PRKCA: variants seen among roughly 807,000 people sequenced by gnomAD.
PRKCA encodes the protein protein kinase C alpha type.
Under a neutral mutation model 87.0 loss-of-function variants are expected in PRKCA, and 27 were observed. That is an observed-to-expected ratio of 0.31 (90% CI 0.23 to 0.43). PRKCA has a LOEUF of 0.43. PRKCA is among the 20% of genes least tolerant of loss of function. PRKCA has a pLI of 1.00. For synonymous variants in PRKCA, 329 were observed against 311.1 expected, an observed-to-expected ratio of 1.06 and a Z score of -0.61; for missense variants, 518 against 852.3, an observed-to-expected ratio of 0.61 and a Z score of 4.88.
At chr17:66,754,476 G>A (rs1184785963) in intron 13 of PRKCA, among the ~76,000 whole-genome samples, 1 of 152,062 alleles carries the variant, frequency 6.6e-6, no homozygotes, top group African/African-American at 2.4e-5. Context: ...GCTGTGCCTC[G>A]ACTTCTCCAG....
At chr17:66,509,503 T>C (rs1209879224) in intron 3 of PRKCA, among the ~76,000 whole-genome samples, 1 of 152,150 alleles carries the variant, frequency 6.6e-6, no homozygotes, top group Non-Finnish European at 1.5e-5. Context: ...AAGAATCCTC[T>C]CTTACTTGGA....
At chr17:66,685,036 G>A (rs1972588751) in intron 5 of PRKCA, among the ~76,000 whole-genome samples, 1 of 152,118 alleles carries the variant, frequency 6.6e-6, no homozygotes, top group Non-Finnish European at 1.5e-5. Flanking sequence ...CCTTTCACAT[G>A]AGCTTGGTGA....
At chr17:66,791,971 T>C (rs1975549211) in intron 16 of PRKCA, among the ~76,000 whole-genome samples, 1 of 152,194 alleles carries the variant, frequency 6.6e-6, no homozygotes, top group Non-Finnish European at 1.5e-5. Context: ...TTTTGTTATT[T>C]CAAAGAGAGA....
chr17:66,799,424 ATGG>A (rs1377788176), intron 16 of PRKCA, among the ~76,000 whole-genome samples: 13 of 1,382 alleles, frequency 9.4e-3, no homozygotes, highest in Non-Finnish European at 0.011. Context: ...GGTGGTGGTG[ATGG>A]TGGTGGTGGT....
intron 2 of PRKCA, among the ~76,000 whole-genome samples, chr17:66,474,491 T>C (rs767885819): frequency 1.3e-5 from 2 of 152,192 alleles, no homozygotes; most frequent in Non-Finnish European, 2.9e-5. Flanking sequence ...GCAAAATGGC[T>C]GAGGGTGGCA....
intron 2 of PRKCA, among the ~76,000 whole-genome samples, chr17:66,365,345 G>A (rs1439675489): frequency 6.6e-6 from 1 of 152,124 alleles, no homozygotes; most frequent in Non-Finnish European, 1.5e-5. Flanking sequence ...TATCCGTCTT[G>A]CTGGCTTCCT....
intron 3 of PRKCA, among the ~76,000 whole-genome samples, chr17:66,529,067 G>GCC (rs1432795862): frequency 1.3e-5 from 2 of 152,126 alleles, no homozygotes; most frequent in African/African-American, 4.8e-5. Context: ...TTGTTTTTAA[G>GCC]CCTCTCTCTG....
intron 2 of PRKCA, among the ~76,000 whole-genome samples, chr17:66,421,236 T>A (rs575721586): frequency 6.6e-6 from 1 of 152,278 alleles, no homozygotes; most frequent in Admixed American, 6.5e-5. Flanking sequence ...TTGAGTAATT[T>A]AGAGAGAGAG....
At chr17:66,733,901 G>A (rs1220412343) in intron 9 of PRKCA, among the ~76,000 whole-genome samples, 1 of 152,240 alleles carries the variant, frequency 6.6e-6, no homozygotes, top group Admixed American at 6.5e-5. Context: ...GCTGAAACTG[G>A]CTTCAGGTCT....
chr17:66,608,676 T>C (rs925488176), intron 3 of PRKCA, among the ~76,000 whole-genome samples: 9 of 152,158 alleles, frequency 5.9e-5, no homozygotes, highest in African/African-American at 2.2e-4. Context: ...ACGTGATGAA[T>C]GAGACACCCA....
At chr17:66,475,053 G>A (rs1181822205) in intron 2 of PRKCA, among the ~76,000 whole-genome samples, 3 of 152,050 alleles carry the variant, frequency 2.0e-5, no homozygotes, top group African/African-American at 7.2e-5. Context: ...AATCCTTCTG[G>A]CAAATATCAG....
chr17:66,406,584 G>GTTTTTTTTT (rs1242757426), intron 2 of PRKCA, among the ~76,000 whole-genome samples: 1 of 21,294 alleles, frequency 4.7e-5, no homozygotes, highest in Non-Finnish European at 1.6e-4. Flanking sequence ...AGCTTTTCCA[G>GTTTTTTTTT]GTTTTTTTTT....
intron 2 of PRKCA, among the ~76,000 whole-genome samples, chr17:66,394,875 A>G (rs924077177): frequency 5.9e-5 from 9 of 152,124 alleles, no homozygotes; most frequent in African/African-American, 1.7e-4. Flanking sequence ...GCCTTCTGCC[A>G]TGATTGTAAG....
intron 16 of PRKCA, among the ~76,000 whole-genome samples, chr17:66,789,925 G>A (rs1484987812): frequency 1.3e-5 from 2 of 152,218 alleles, no homozygotes; most frequent in Non-Finnish European, 2.9e-5. Flanking sequence ...GAGCCTCCAA[G>A]GGCGTCCTGT....
chr17:66,331,552 C>T (rs999057635), intron 2 of PRKCA, among the ~76,000 whole-genome samples: 2 of 152,144 alleles, frequency 1.3e-5, no homozygotes, highest in Non-Finnish European at 2.9e-5. Flanking sequence ...CTCCTCTGCA[C>T]AGACTTGTAG....
At chr17:66,798,444 T>TGGTGAC (rs1975739076) in intron 16 of PRKCA, among the ~76,000 whole-genome samples, 4 of 86,658 alleles carry the variant, frequency 4.6e-5, no homozygotes, top group African/African-American at 1.7e-4. Flanking sequence ...ACGGTGGTGG[T>TGGTGAC]GGTGGTGACG....
intron 2 of PRKCA, among the ~76,000 whole-genome samples, chr17:66,441,921 G>C (rs982436291): frequency 6.6e-6 from 1 of 152,168 alleles, no homozygotes; most frequent in African/African-American, 2.4e-5. Flanking sequence ...ATAAATGTGG[G>C]TGGATGGATG....
Position 66,672,947 on chromosome 17 carries a change from T to C in PRKCA, c.530-14164T>C, listed in dbSNP as rs540981143. ...CCATGCAGAAGTATAGTTGTTTTAG[T>C]TTTCTTCTTTATATTTTTATGTCTT... On this transcript the variant is annotated intron_variant, in intron 5 of 16. Coordinates refer to ENST00000413366, the MANE Select transcript of PRKCA (RefSeq NM_002737.3). Among the ~76,000 whole-genome samples the C allele has an allele frequency of 2.7e-4, 41 of 152,210 alleles. 1 individual carries two copies. Among genetic ancestry groups the C allele is most frequent in the Non-Finnish European group, 4.1e-4 (28 of 68,034 alleles).
intron 3 of PRKCA, among the ~76,000 whole-genome samples, chr17:66,501,866 C>T (rs1189573919): frequency 6.6e-6 from 1 of 152,178 alleles, no homozygotes; most frequent in Non-Finnish European, 1.5e-5. Context: ...TGGCTTTGCT[C>T]TGCTGAAGGG....
Sources: gnomAD v4.1 joint callset for allele counts (sites outside exome capture counted in the v4.1 genomes callset) on GRCh38, gnomAD v4.1.1 for gene constraint, MANE v1.5 for transcripts, NCBI Gene and HGNC (gene_info 2026-07-23, HGNC 2026-07-21) for gene names.